The following ZMAT4 variants were observed in gnomAD, a reference collection of about 807,000 sequenced individuals.
ZMAT4 encodes the protein zinc finger matrin-type 4.
In ZMAT4, 17 loss-of-function variants were observed where a neutral mutation model predicts 28.7. The observed-to-expected ratio is 0.59, with a 90% CI of 0.41 to 0.89. The LOEUF (loss-of-function observed/expected upper bound fraction) is 0.89. Among genes scored for constraint, ZMAT4 ranks in the 40% least tolerant of loss-of-function variants. The pLI, the probability that ZMAT4 is intolerant of heterozygous loss-of-function variation, is 0.00. For missense variants in ZMAT4, 240 were observed against 283.8 expected, an observed-to-expected ratio of 0.85 and a Z score of 1.11; for synonymous variants, 117 against 109.2, an observed-to-expected ratio of 1.07 and a Z score of -0.44.
At chr8:40,541,907 C>T (rs536606555) in intron 6 of ZMAT4, among the ~76,000 whole-genome samples, 5 of 152,298 alleles carry the variant, frequency 3.3e-5, no homozygotes, top group African/African-American at 9.6e-5. Flanking sequence ...TCTAGAGTCC[C>T]ACAGTGCCAG....
intron 2 of ZMAT4, among the ~76,000 whole-genome samples, chr8:40,820,316 TTATG>T (rs1356661848): frequency 6.8e-6 from 1 of 147,626 alleles, no homozygotes; most frequent in Non-Finnish European, 1.5e-5. Flanking sequence ...GTGTGGGTCT[TTATG>T]TGTGTATATG....
chr8:40,761,205 G>T (rs1812922971), intron 3 of ZMAT4, among the ~76,000 whole-genome samples: 1 of 152,114 alleles, frequency 6.6e-6, no homozygotes, highest in Non-Finnish European at 1.5e-5. Flanking sequence ...ATCCACAAGA[G>T]ATCCAATTCC....
At chr8:40,602,830 T>C (rs570633196) in intron 5 of ZMAT4, among the ~76,000 whole-genome samples, 1 of 152,340 alleles carries the variant, frequency 6.6e-6, no homozygotes, top group South Asian at 2.1e-4. Flanking sequence ...AGATGCATAG[T>C]GTGCGAAGAT....
intron 3 of ZMAT4, among the ~76,000 whole-genome samples, chr8:40,710,037 C>CAAAAAAAA (rs35882795): frequency 2.6e-5 from 2 of 78,282 alleles, no homozygotes; most frequent in Non-Finnish European, 3.1e-5. Context: ...GACCCAGTCT[C>CAAAAAAAA]AAAAAAAAAA....
intron 2 of ZMAT4, among the ~76,000 whole-genome samples, chr8:40,778,810 A>G (rs1051507318): frequency 2.0e-5 from 3 of 152,158 alleles, no homozygotes; most frequent in South Asian, 2.1e-4. Flanking sequence ...GTTGCTTTCA[A>G]TTGATGGCAT....
chr8:40,890,366 C>T (rs1818625756), intron 1 of ZMAT4, among the ~76,000 whole-genome samples: 1 of 152,132 alleles, frequency 6.6e-6, no homozygotes, highest in Non-Finnish European at 1.5e-5. Context: ...TTTCACCTAA[C>T]ACTATGACCT....
At chr8:40,565,369 GCCA>G (rs1803882887) in intron 6 of ZMAT4, among the ~76,000 whole-genome samples, 1 of 141,372 alleles carries the variant, frequency 7.1e-6, no homozygotes, top group Non-Finnish European at 1.5e-5. Context: ...CTGGTTTGGT[GCCA>G]CCATCTTTTT....
intron 5 of ZMAT4, among the ~76,000 whole-genome samples, chr8:40,596,877 C>G (rs1430306395): frequency 6.6e-6 from 1 of 152,172 alleles, no homozygotes; most frequent in Non-Finnish European, 1.5e-5. Context: ...GCCATAGGCA[C>G]AGCATAGGGC....
intron 1 of ZMAT4, chr8:40,884,856 T>C (rs1441226310): frequency 2.0e-5 from 3 of 152,256 alleles, no homozygotes; most frequent in African/African-American, 7.2e-5. Flanking sequence ...TTCATTTATA[T>C]GTCCTCTATG....
intron 2 of ZMAT4, among the ~76,000 whole-genome samples, chr8:40,818,445 GTAGTAAGTCC>G (rs1044064072): frequency 6.6e-6 from 1 of 152,178 alleles, no homozygotes; most frequent in African/African-American, 2.4e-5. Flanking sequence ...TATTATCTGT[GTAGTAAGTCC>G]TAGGATATTA....
intron 3 of ZMAT4, among the ~76,000 whole-genome samples, chr8:40,749,025 C>G (rs1040678932): frequency 6.6e-6 from 1 of 152,200 alleles, no homozygotes; most frequent in East Asian, 1.9e-4. Flanking sequence ...TAAGGGGTAA[C>G]CCCTTTCACT....
chr8:40,674,170 C>T (rs1453631743), intron 5 of ZMAT4, among the ~76,000 whole-genome samples: 1 of 144,864 alleles, frequency 6.9e-6, no homozygotes, highest in African/African-American at 2.6e-5. Context: ...TCTCGGCTCA[C>T]TGCAATTTCT....
chr8:40,762,862 C>T (rs1812995386), intron 3 of ZMAT4, among the ~76,000 whole-genome samples: 1 of 152,142 alleles, frequency 6.6e-6, no homozygotes, highest in Non-Finnish European at 1.5e-5. Context: ...GTTGAAGCCA[C>T]CCAGTTTGTG....
At chr8:40,579,909 A>G (rs1255928158) in intron 6 of ZMAT4, among the ~76,000 whole-genome samples, 1 of 152,104 alleles carries the variant, frequency 6.6e-6, no homozygotes, top group Non-Finnish European at 1.5e-5. Flanking sequence ...CCCCATGCTT[A>G]AAGCTCCGGG....
chr8:40,832,858 G>T (rs1816337828), intron 1 of ZMAT4, among the ~76,000 whole-genome samples: 1 of 152,350 alleles, frequency 6.6e-6, no homozygotes, highest in South Asian at 2.1e-4. Flanking sequence ...CTGCTCAGAA[G>T]GGAGGGAAGT....
intron 2 of ZMAT4, chr8:40,786,869 G>A: frequency 2.1e-6 from 1 of 477,278 alleles, no homozygotes; most frequent in Non-Finnish European, 3.6e-6. Flanking sequence ...CCCACAAAGA[G>A]TAACTAGAAT....
chr8:40,754,349 G>C (rs1317536622), intron 3 of ZMAT4, among the ~76,000 whole-genome samples: 1 of 152,138 alleles, frequency 6.6e-6, no homozygotes, highest in Non-Finnish European at 1.5e-5. Flanking sequence ...TTCCACAGCT[G>C]TCTTTCCAAT....
chr8:40,575,644 G>A (rs533799028), intron 6 of ZMAT4, among the ~76,000 whole-genome samples: 4 of 131,100 alleles, frequency 3.1e-5, no homozygotes, highest in African/African-American at 1.0e-4. Flanking sequence ...TGAGACTCTG[G>A]GATCCATCTA....
At chr8:40,659,738 A>G (rs946980435) in intron 5 of ZMAT4, among the ~76,000 whole-genome samples, 1 of 152,078 alleles carries the variant, frequency 6.6e-6, no homozygotes, top group African/African-American at 2.4e-5. Context: ...CTATCCCAAC[A>G]CCTTCGTTTC....
Sources: gnomAD v4.1 joint callset for allele counts (sites outside exome capture counted in the v4.1 genomes callset) on GRCh38, gnomAD v4.1.1 for gene constraint, MANE v1.5 for transcripts, NCBI Gene and HGNC (gene_info 2026-07-23, HGNC 2026-07-21) for gene names.